The following SENP7 variants were observed in gnomAD, a reference collection of about 807,000 sequenced individuals.
SENP7 encodes sentrin-specific protease 7.
In SENP7, 64 loss-of-function variants were observed where a neutral mutation model predicts 141.2. That is an observed-to-expected ratio of 0.45 (90% CI 0.37 to 0.56). The LOEUF is 0.56. Ranked by LOEUF, SENP7 falls within the 20% of genes least tolerant of loss-of-function variation. SENP7 has a pLI of 0.00. For missense variants in SENP7, 1,025 were observed against 1,212.2 expected, an observed-to-expected ratio of 0.85 and a Z score of 2.29; for synonymous variants, 382 against 426.4, an observed-to-expected ratio of 0.90 and a Z score of 1.28.
chr3:101,483,212 G>T (rs975997426), intron 3 of SENP7, among the ~76,000 whole-genome samples: 2 of 152,042 alleles, frequency 1.3e-5, no homozygotes, highest in Non-Finnish European at 2.9e-5. Flanking sequence ...ATCAGTGGTG[G>T]ACTGGATTAA....
At chr3:101,502,853 C>A (rs1205877249) in intron 1 of SENP7, among the ~76,000 whole-genome samples, 6 of 151,196 alleles carry the variant, frequency 4.0e-5, no homozygotes, top group African/African-American at 1.5e-4. Context: ...GAGGTTACAG[C>A]TGCAGCGAGC....
At position 101,457,429 on chromosome 3, in the gene SENP7, C is replaced by G. The variant is rs1017306904; in HGVS notation, c.284+1526G>C. The G allele has an allele frequency of 5.1e-6, 8 of 1,570,852 alleles. No individual in the cohort carries two copies. The Admixed American group carries it at 1.3e-4, about 26-fold the overall frequency. On this transcript the variant is annotated intron_variant, in intron 4 of 23. Transcript: ENST00000394095. ...TGGTTTAAGATGTTGGGTAGCATTT[C>G]TGTCAGCTGCTTTGTCTCGGCATGG...
At chr3:101,361,170 G>A (rs1023211756) in intron 11 of SENP7, among the ~76,000 whole-genome samples, 1 of 150,714 alleles carries the variant, frequency 6.6e-6, no homozygotes, top group East Asian at 2.0e-4. Context: ...AGTGGAGTGC[G>A]CCCCTGCACT....
chr3:101,369,688 T>C (rs956517013), intron 7 of SENP7, among the ~76,000 whole-genome samples: 1 of 152,160 alleles, frequency 6.6e-6, no homozygotes, highest in Non-Finnish European at 1.5e-5. Flanking sequence ...AAATGATTCA[T>C]GAAAGGAAAG....
At position 101,357,322 on chromosome 3, in the gene SENP7, G is replaced by A. The variant is rs2059771684; in HGVS notation, c.1623+4393C>T. 1.2e-5 allele frequency: 8 copies of A among 656,412 alleles called. 1 individual carries two copies. In the South Asian group the frequency reaches 1.2e-4, roughly 10 times the overall value. The allele number at this position is 656,412 out of a possible 1,614,324, so 40.7% of individuals were successfully genotyped here. A position where few individuals can be genotyped will look rare whatever the true frequency, so the allele number is the denominator to read the frequency against. ...AGTGGCATTGCCTGGACACTGCACAGTGGAATTTATATAAGGATGTGATGT... is the reference window on the plus strand; with the variant it reads ...AGTGGCATTGCCTGGACACTGCACAATGGAATTTATATAAGGATGTGATGT... On this transcript the variant is annotated intron_variant, in intron 11 of 23. Coordinates refer to ENST00000394095, the MANE Select transcript of SENP7 (RefSeq NM_020654.5).
chr3:101,412,683 C>CGTTT (rs2061489276), intron 5 of SENP7, among the ~76,000 whole-genome samples: 1 of 152,008 alleles, frequency 6.6e-6, no homozygotes, highest in East Asian at 1.9e-4. Flanking sequence ...ATCTCTGGTA[C>CGTTT]AAACTGATGA....
At chr3:101,448,415 T>C (rs1280899088) in intron 4 of SENP7, among the ~76,000 whole-genome samples, 1 of 152,190 alleles carries the variant, frequency 6.6e-6, no homozygotes, top group Non-Finnish European at 1.5e-5. Context: ...AATTTTAAAA[T>C]GGGCAAAGGA....
intron 5 of SENP7, among the ~76,000 whole-genome samples, chr3:101,408,039 T>C (rs111893442): frequency 0.014 from 2,074 of 152,162 alleles, 48 homozygotes; most frequent in African/African-American, 0.047. Flanking sequence ...ATTAGCAATA[T>C]TAACCAAGAA....
chr3:101,453,667 G>C (rs562111452), intron 4 of SENP7, among the ~76,000 whole-genome samples: 60 of 152,002 alleles, frequency 3.9e-4, no homozygotes, highest in South Asian at 8.3e-4. Context: ...ATTGAACAAT[G>C]AGAACACATG....
chr3:101,481,520 T>C (rs111677920), intron 3 of SENP7, among the ~76,000 whole-genome samples: 2,675 of 151,900 alleles, frequency 0.018, 89 homozygotes, highest in African/African-American at 0.061. Flanking sequence ...TGGAGAGAGG[T>C]TGGTTAATGG....
Position 101,447,535 on chromosome 3 carries a change from A to C in SENP7, c.284+11420T>G, listed in dbSNP as rs576205211. 2.0e-5 allele frequency among the ~76,000 whole-genome samples: 3 copies of C among 152,316 alleles called. No homozygotes were observed. The South Asian group carries it at 6.2e-4, about 32-fold the overall frequency. On this transcript the variant is annotated intron_variant, in intron 4 of 23. Coordinates refer to ENST00000394095, the MANE Select transcript of SENP7 (RefSeq NM_020654.5). ...AAAGTATTTAGGAATAAACTTAACA[A>C]AAAAAAGTCAAAGACACACTGAAAA...
intron 1 of SENP7, among the ~76,000 whole-genome samples, chr3:101,504,642 A>G (rs888993122): frequency 6.6e-6 from 1 of 152,230 alleles, no homozygotes; most frequent in Non-Finnish European, 1.5e-5. Context: ...ACATATCTAC[A>G]TATACACAAT....
intron 5 of SENP7, among the ~76,000 whole-genome samples, chr3:101,406,325 T>C (rs1160748215): frequency 1.3e-5 from 2 of 151,790 alleles, no homozygotes; most frequent in African/African-American, 2.4e-5. Flanking sequence ...CAGCAAACTA[T>C]TGCAAGGACA....
intron 3 of SENP7, among the ~76,000 whole-genome samples, chr3:101,461,613 C>T (rs2107896739): frequency 6.6e-6 from 1 of 151,614 alleles, no homozygotes; most frequent in East Asian, 1.9e-4. Flanking sequence ...AACAGTATTG[C>T]AGTTCCTCGA....
chr3:101,328,009 T>C (rs2058948246), intron 22 of SENP7, among the ~76,000 whole-genome samples, 193 bp from the exon 23 acceptor site: 1 of 152,170 alleles, frequency 6.6e-6, no homozygotes, highest in African/African-American at 2.4e-5. Flanking sequence ...TGTAATGTGA[T>C]TTTCAAAGTA....
At chr3:101,508,095 T>G (rs1260779150) in intron 1 of SENP7, among the ~76,000 whole-genome samples, 1 of 151,530 alleles carries the variant, frequency 6.6e-6, no homozygotes, top group African/African-American at 2.4e-5. Flanking sequence ...TTGCCCATAT[T>G]TATGACTGCC....
intron 4 of SENP7, among the ~76,000 whole-genome samples, chr3:101,424,112 G>A (rs953332742): frequency 6.6e-6 from 1 of 152,094 alleles, no homozygotes; most frequent in African/African-American, 2.4e-5. Context: ...AGTCTGACCT[G>A]ACCATCCTTG....
At chr3:101,385,916 C>T (rs1211903135) in intron 6 of SENP7, among the ~76,000 whole-genome samples, 2 of 152,146 alleles carry the variant, frequency 1.3e-5, no homozygotes, top group African/African-American at 2.4e-5. Flanking sequence ...GATATCAAGA[C>T]ACCTCCAAAA....
rs148559491 is a variant in SENP7 at position 101,431,765 on chromosome 3, C to T, written c.285-13975G>A. 6.1e-4 allele frequency among the ~76,000 whole-genome samples: 87 copies of T among 142,942 alleles called. 1 individual carries two copies. Among genetic ancestry groups the T allele is most frequent in the African/African-American group, 2.0e-3 (81 of 39,642 alleles). 93.8% of individuals were successfully genotyped at this position (142,942 alleles called of 152,430 possible). ...CGCCATTGCACTCCAGCCTGGCGGACAGAGCCAGACTTCGTCTCAAAAAAA... is the reference window on the plus strand; with the variant it reads ...CGCCATTGCACTCCAGCCTGGCGGATAGAGCCAGACTTCGTCTCAAAAAAA... On this transcript the variant is annotated intron_variant, in intron 4 of 23. Coordinates refer to ENST00000394095, the MANE Select transcript of SENP7 (RefSeq NM_020654.5).
Sources: gnomAD v4.1 joint callset for allele counts (sites outside exome capture counted in the v4.1 genomes callset) on GRCh38, gnomAD v4.1.1 for gene constraint, MANE v1.5 for transcripts, NCBI Gene and HGNC (gene_info 2026-07-23, HGNC 2026-07-21) for gene names.